The following FNDC3A variants were observed in gnomAD, a reference collection of about 807,000 sequenced individuals.
FNDC3A encodes fibronectin type-III domain-containing protein 3A.
In FNDC3A, 32 loss-of-function variants were observed where a neutral mutation model predicts 148.9. The ratio of observed to expected loss-of-function variants is 0.21; its 90% confidence interval spans 0.16 to 0.29. The LOEUF is 0.29. Ranked by LOEUF, FNDC3A falls within the 10% of genes least tolerant of loss-of-function variation. The probability of loss-of-function intolerance (pLI) is 1.00; values close to 1 mark genes in which losing one functional copy is unlikely to be tolerated. For missense variants in FNDC3A, 1,191 were observed against 1,452.8 expected, an observed-to-expected ratio of 0.82 and a Z score of 2.93; for synonymous variants, 472 against 473.6, an observed-to-expected ratio of 1.00 and a Z score of 0.04.
At chr13:49,180,631 T>C (rs1885255794) in intron 14 of FNDC3A, among the ~76,000 whole-genome samples, 1 of 152,162 alleles carries the variant, frequency 6.6e-6, no homozygotes, top group African/African-American at 2.4e-5. Context: ...TTTATGAAAA[T>C]CCTAAAATTC....
In FNDC3A at chr13:49,021,481, G is replaced by A. The variant is rs905478239; in HGVS notation, c.99+15192G>A. Among the ~76,000 whole-genome samples the A allele has an allele frequency of 2.0e-5, 3 of 152,228 alleles. No individual in the cohort carries two copies. In the East Asian group the frequency reaches 5.8e-4, roughly 29 times the overall value. ...GTTCTTTTGGAGATGAGACTTTTACGGTATTCCAAACCATTCTTTCCCTTC... is the reference window on the plus strand; with the variant it reads ...GTTCTTTTGGAGATGAGACTTTTACAGTATTCCAAACCATTCTTTCCCTTC... On this transcript the variant is annotated intron_variant, in intron 2 of 25. Coordinates refer to ENST00000492622, the MANE Select transcript of FNDC3A (RefSeq NM_001079673.2).
chr13:48,978,196 A>G (rs1361009863), intron 1 of FNDC3A, among the ~76,000 whole-genome samples: 1 of 152,144 alleles, frequency 6.6e-6, no homozygotes, highest in African/African-American at 2.4e-5. Flanking sequence ...TTTACTAGTC[A>G]CATTTCTACA....
intron 2 of FNDC3A, chr13:49,044,366 A>G (rs77942989): frequency 0.011 from 1,760 of 153,940 alleles, 13 homozygotes; most frequent in Non-Finnish European, 0.018. Context: ...GAGCTTTCCA[A>G]TGTCTTGGAT....
intron 1 of FNDC3A, among the ~76,000 whole-genome samples, chr13:49,004,536 A>G (rs1003281683): frequency 6.6e-6 from 1 of 152,012 alleles, no homozygotes; most frequent in African/African-American, 2.4e-5. Context: ...CCAGTCTCTA[A>G]TAGCACTAGT....
intron 1 of FNDC3A, among the ~76,000 whole-genome samples, chr13:49,001,514 AT>A (rs1312432949): frequency 6.6e-6 from 1 of 152,142 alleles, no homozygotes; most frequent in Non-Finnish European, 1.5e-5. Flanking sequence ...ACAGAGCCAT[AT>A]TTCTCTTCTT....
chr13:49,111,736 AAAAAAAATCTAACCATGTAC>A (rs1168524159), intron 3 of FNDC3A, among the ~76,000 whole-genome samples: 141 of 152,200 alleles, frequency 9.3e-4, no homozygotes, highest in African/African-American at 3.3e-3. Context: ...AAAAAAAAAA[AAAAAAAATCTAACCATGTAC>A]AATTTCTGCC....
chr13:49,092,929 G>T (rs1879280608), intron 3 of FNDC3A, among the ~76,000 whole-genome samples: 1 of 152,010 alleles, frequency 6.6e-6, no homozygotes, highest in Admixed American at 6.6e-5. Flanking sequence ...CCAAGATTGT[G>T]TTGTATGCAT....
chr13:49,174,898 TA>T (rs1323408524), intron 12 of FNDC3A, among the ~76,000 whole-genome samples: 2 of 152,320 alleles, frequency 1.3e-5, no homozygotes, highest in East Asian at 3.9e-4. Context: ...ATACCCAATT[TA>T]AATAGAAAGG....
chr13:49,053,308 A>G (rs1335510811), intron 2 of FNDC3A, among the ~76,000 whole-genome samples: 1 of 152,172 alleles, frequency 6.6e-6, no homozygotes, highest in East Asian at 1.9e-4. Flanking sequence ...GAGTCTCCAC[A>G]TACTGTTCTG....
At chr13:49,095,815 A>G (rs925027164) in intron 3 of FNDC3A, among the ~76,000 whole-genome samples, 5 of 152,060 alleles carry the variant, frequency 3.3e-5, no homozygotes, top group African/African-American at 9.7e-5. Context: ...TGAGGCTAGG[A>G]TGTCCAGAGA....
chr13:49,127,882 C>A (rs1047333194), intron 4 of FNDC3A, among the ~76,000 whole-genome samples: 2 of 147,702 alleles, frequency 1.4e-5, no homozygotes, highest in Admixed American at 1.4e-4. Flanking sequence ...TGTTTCTCTA[C>A]TTTTTTTTTT....
At chr13:49,103,599 A>G (rs1374900567) in intron 3 of FNDC3A, among the ~76,000 whole-genome samples, 2 of 152,242 alleles carry the variant, frequency 1.3e-5, no homozygotes, top group Non-Finnish European at 2.9e-5. Context: ...CATTAGGAGA[A>G]TACTGGAATA....
rs9634823 is a variant in FNDC3A, at chr13:49,192,792, A to G, written c.2226+1408A>G. ...CCTTAAGTAAATATTTACTTTCCGT[A>G]TTTCCAGAGAACATACATTTTAGAC... On this transcript the variant is annotated intron_variant, in intron 19 of 25. Transcript: ENST00000492622. Among the ~76,000 whole-genome samples, 237 of 152,282 alleles carry G rather than the reference A, an allele frequency of 1.6e-3. 1 individual carries two copies. Among genetic ancestry groups the G allele is most frequent in the Admixed American group, 0.011 (170 of 15,304 alleles).
chr13:49,204,259 A>T (rs977376458), intron 25 of FNDC3A, among the ~76,000 whole-genome samples: 2 of 152,302 alleles, frequency 1.3e-5, no homozygotes, highest in Admixed American at 6.5e-5. Context: ...ACAACTTTTA[A>T]AAAGAATAAG....
At chr13:49,203,087 C>T (rs898993614) in intron 24 of FNDC3A, 70 bp from the exon 25 acceptor site, 1 of 956,308 alleles carries the variant, frequency 1.0e-6, no homozygotes, top group African/African-American at 1.7e-5. Context: ...TTTATTAAGA[C>T]AAGTGTCTGC....
chr13:49,095,533 C>A (rs1418482564), intron 3 of FNDC3A: 1 of 151,924 alleles, frequency 6.6e-6, no homozygotes, highest in Non-Finnish European at 1.5e-5. Flanking sequence ...GGTAGAGAAT[C>A]TTTATACCTT....
At chr13:49,190,291 A>G (rs1432471429) in intron 17 of FNDC3A, among the ~76,000 whole-genome samples, 1 of 152,242 alleles carries the variant, frequency 6.6e-6, no homozygotes, top group African/African-American at 2.4e-5. Context: ...GAAAGATGCC[A>G]AGTAACTGGA....
chr13:48,986,885 A>C (rs1335447054), intron 1 of FNDC3A, among the ~76,000 whole-genome samples: 1 of 152,124 alleles, frequency 6.6e-6, no homozygotes, highest in Non-Finnish European at 1.5e-5. Flanking sequence ...TTTTATTATG[A>C]TAAAATTATT....
At chr13:49,036,973 G>T (rs886258589) in intron 2 of FNDC3A, among the ~76,000 whole-genome samples, 1 of 152,180 alleles carries the variant, frequency 6.6e-6, no homozygotes, top group African/African-American at 2.4e-5. Context: ...ACACTGAAAG[G>T]AGTAGAACAG....
Sources: allele counts gnomAD v4.1 joint callset (sites outside exome capture counted in the v4.1 genomes callset), GRCh38; gene constraint gnomAD v4.1.1; transcripts MANE v1.5; gene names NCBI Gene and HGNC (gene_info 2026-07-23, HGNC 2026-07-21).